The following PAX7 variants were observed in gnomAD, a reference collection of about 807,000 sequenced individuals.
PAX7 encodes the protein paired box 7.
Under a neutral mutation model 50.7 loss-of-function variants are expected in PAX7, and 18 were observed. The observed-to-expected ratio is 0.36, with a 90% CI of 0.25 to 0.53. The LOEUF (loss-of-function observed/expected upper bound fraction) is 0.53, where lower values mean the gene tolerates loss of function less well. PAX7 is among the 20% of genes least tolerant of loss of function. The pLI is 0.93. For missense variants in PAX7, 644 were observed against 702.9 expected (o/e 0.92, Z 0.95); for synonymous variants, 310 against 290.4 (o/e 1.07, Z -0.69).
intron 8 of PAX7, among the ~76,000 whole-genome samples, chr1:18,739,195 G>A (rs973478857): frequency 1.1e-4 from 16 of 152,150 alleles, no homozygotes; most frequent in African/African-American, 3.9e-4. Flanking sequence ...TCAGAGAGGC[G>A]AGGTAGCTTT....
chr1:18,734,409 C>G (rs1454108735), intron 7 of PAX7, among the ~76,000 whole-genome samples: 1 of 152,138 alleles, frequency 6.6e-6, no homozygotes, highest in Non-Finnish European at 1.5e-5. Context: ...ACCCTCTCCC[C>G]TGCCCTCCTC....
intron 4 of PAX7, among the ~76,000 whole-genome samples, chr1:18,660,664 A>T (rs1245845563): frequency 6.6e-6 from 1 of 152,082 alleles, no homozygotes; most frequent in African/African-American, 2.4e-5. Flanking sequence ...AGCCCCAGAG[A>T]GCTGACCTGA....
chr1:18,692,270 G>A (rs949148132), intron 5 of PAX7, among the ~76,000 whole-genome samples: 3 of 150,844 alleles, frequency 2.0e-5, no homozygotes, highest in East Asian at 2.0e-4. Flanking sequence ...GGCCAGGTGT[G>A]GTGGCTCACA....
intron 7 of PAX7, among the ~76,000 whole-genome samples, chr1:18,719,358 G>A (rs980453288): frequency 6.6e-6 from 1 of 152,198 alleles, no homozygotes; most frequent in Admixed American, 6.5e-5. Flanking sequence ...AGGGAGATCC[G>A]CCCCTGCCCT....
At chr1:18,711,411 A>C (rs1179894111) in intron 7 of PAX7, among the ~76,000 whole-genome samples, 1 of 152,066 alleles carries the variant, frequency 6.6e-6, no homozygotes, top group Non-Finnish European at 1.5e-5. Context: ...CCTCACTGCC[A>C]TCCCTTCTGT....
At chr1:18,647,501 G>A (rs1247349873) in intron 4 of PAX7, among the ~76,000 whole-genome samples, 1 of 151,902 alleles carries the variant, frequency 6.6e-6, no homozygotes, top group Non-Finnish European at 1.5e-5. Flanking sequence ...TGGGGGGGGA[G>A]AGGAGAAGGA....
chr1:18,651,769 A>C (rs9439716), intron 4 of PAX7, among the ~76,000 whole-genome samples: 77,975 of 140,476 alleles, frequency 0.56, 22,337 homozygotes, highest in African/African-American at 0.67. Flanking sequence ...GTCCCTCCCC[A>C]ACACCCTCCC....
chr1:18,687,138 G>A (rs1046555214), intron 4 of PAX7, among the ~76,000 whole-genome samples: 8 of 151,912 alleles, frequency 5.3e-5, no homozygotes, highest in East Asian at 1.9e-4. Context: ...TGATCCACCC[G>A]CCTCAGCCTC....
intron 4 of PAX7, among the ~76,000 whole-genome samples, chr1:18,641,733 C>T (rs964620678): frequency 1.5e-4 from 23 of 152,188 alleles, no homozygotes; most frequent in African/African-American, 5.6e-4. Flanking sequence ...ACGAATTCAT[C>T]ATTTGGAATG....
In PAX7 at chr1:18,689,833, A is replaced by G. The variant is rs927698829; in HGVS notation, c.587-1921A>G. On this transcript the variant is annotated intron_variant, in intron 4 of 8. Transcript: ENST00000420770. ...CTGCAGTGCCCTTCCCTTCACCTCC[A>G]CTTAACATGTAAGGCAGTACTAGTT... Among the ~76,000 whole-genome samples, 4 of 152,176 alleles carry G rather than the reference A, an allele frequency of 2.6e-5. No individual in the cohort carries two copies. The East Asian group carries it at 7.7e-4, about 29-fold the overall frequency.
intron 4 of PAX7, among the ~76,000 whole-genome samples, chr1:18,679,816 G>A (rs2088871938): frequency 6.6e-6 from 1 of 152,198 alleles, no homozygotes; most frequent in Non-Finnish European, 1.5e-5. Flanking sequence ...CATTCATTCA[G>A]GCATTTGTTC....
intron 4 of PAX7, among the ~76,000 whole-genome samples, chr1:18,656,700 G>T (rs948383222): frequency 6.6e-6 from 1 of 151,638 alleles, no homozygotes; most frequent in Non-Finnish European, 1.5e-5. Flanking sequence ...TAAAAAAAAG[G>T]GGGGGATAAT....
chr1:18,710,820 A>C (rs2089341136), intron 7 of PAX7, among the ~76,000 whole-genome samples: 1 of 152,184 alleles, frequency 6.6e-6, no homozygotes, highest in Non-Finnish European at 1.5e-5. Context: ...TGGCATTACC[A>C]GGGCGTCAGG....
At position 18,735,907 on chromosome 1, in the gene PAX7, C is replaced by G. The variant is rs762116733; in HGVS notation, c.1402+29C>G. The G allele has an allele frequency of 6.2e-6, 10 of 1,614,026 alleles. No homozygotes were observed. Among genetic ancestry groups the G allele is most frequent in the Non-Finnish European group, 6.8e-6 (8 of 1,179,988 alleles). On this transcript the variant is annotated intron_variant, in intron 8 of 8. Coordinates refer to ENST00000420770, the MANE Select transcript of PAX7 (RefSeq NM_001135254.2). This position sits in a 1 kb window ranked among gnomAD's most constrained non-coding sequence, Gnocchi z 4.0. ...AGTGCCTGGTGCCCTGGGCGTCCCC[C>G]GTCCCCATTCCTTCTCCCACCCCCA...
intron 4 of PAX7, among the ~76,000 whole-genome samples, chr1:18,684,029 G>A (rs2088936649): frequency 6.6e-6 from 1 of 152,168 alleles, no homozygotes; most frequent in Admixed American, 6.5e-5. Context: ...TGAGCCCGGA[G>A]TCTGTGCTCC....
chr1:18,659,032 ATATG>A (rs1321781747), intron 4 of PAX7, among the ~76,000 whole-genome samples: 7 of 151,902 alleles, frequency 4.6e-5, no homozygotes, highest in African/African-American at 1.7e-4. Context: ...GCCTGTATGT[ATATG>A]TGTGTGCATA....
At position 18,634,873 on chromosome 1, in the gene PAX7, A is replaced by G. The variant is rs2100418770; in HGVS notation, c.322-238A>G. On this transcript the variant is annotated intron_variant, in intron 2 of 8. Coordinates refer to ENST00000420770, the MANE Select transcript of PAX7 (RefSeq NM_001135254.2). The surrounding 1 kb of genome is among the most constrained non-coding windows in gnomAD (Gnocchi z 4.0). Reference sequence around the variant, plus strand: ...CGGGGACCCTGGGGGTCCTAATTAGAGTTTTTTATTGCCTATCCATGTCCC... The same window carrying G: ...CGGGGACCCTGGGGGTCCTAATTAGGGTTTTTTATTGCCTATCCATGTCCC... Among the ~76,000 whole-genome samples, 1 of 152,022 alleles carries G rather than the reference A, an allele frequency of 6.6e-6. No homozygotes were observed. The highest frequency in any genetic ancestry group is 1.9e-4 in the East Asian group (1 of 5,170).
chr1:18,673,116 C>T (rs1250251324), intron 4 of PAX7, among the ~76,000 whole-genome samples: 2 of 152,250 alleles, frequency 1.3e-5, no homozygotes, highest in Non-Finnish European at 2.9e-5. Context: ...TCCCGATGGG[C>T]CTGGGTTCAA....
chr1:18,659,601 G>C (rs1222979267), intron 4 of PAX7, among the ~76,000 whole-genome samples: 4 of 152,166 alleles, frequency 2.6e-5, no homozygotes, highest in Non-Finnish European at 5.9e-5. Context: ...TTTTCCCCTG[G>C]GGAAAGAGAG....
Sources: gnomAD v4.1 joint callset for allele counts (sites outside exome capture counted in the v4.1 genomes callset) on GRCh38, gnomAD v4.1.1 for gene constraint, Gnocchi (gnomAD v3.1) non-coding constraint, MANE v1.5 for transcripts, NCBI Gene and HGNC (gene_info 2026-07-23, HGNC 2026-07-21) for gene names.